CADPS2: variants seen among roughly 807,000 people sequenced by gnomAD.
CADPS2 encodes the protein calcium-dependent secretion activator 2.
Under a neutral mutation model 172.5 loss-of-function variants are expected in CADPS2, and 93 were observed. The ratio of observed to expected loss-of-function variants is 0.54; its 90% CI spans 0.46 to 0.64. CADPS2 has a LOEUF of 0.64. Ranked by LOEUF, CADPS2 falls within the 30% of genes least tolerant of loss-of-function variation. The pLI, the probability that CADPS2 is intolerant of heterozygous loss-of-function variation, is 0.00. For missense variants in CADPS2, 1,420 were observed against 1,565.9 expected (o/e 0.91, Z 1.57); for synonymous variants, 546 against 555.2 (o/e 0.98, Z 0.23).
chr7:122,828,729 G>T (rs1805651929), intron 1 of CADPS2, among the ~76,000 whole-genome samples: 1 of 152,142 alleles, frequency 6.6e-6, no homozygotes, highest in South Asian at 2.1e-4. Context: ...TTAGCAACAA[G>T]TTCTTTGCCT....
chr7:122,865,757 T>C (rs1325790838), intron 1 of CADPS2, among the ~76,000 whole-genome samples: 1 of 152,236 alleles, frequency 6.6e-6, no homozygotes, highest in Non-Finnish European at 1.5e-5. Flanking sequence ...AAATGTAGAC[T>C]TCAACCACAC....
intron 8 of CADPS2, among the ~76,000 whole-genome samples, chr7:122,527,619 T>A (rs10277686): frequency 0.28 from 18,456 of 65,532 alleles, 1,357 homozygotes; most frequent in African/African-American, 0.37. Flanking sequence ...AGAGAGAGAG[T>A]GTGTGTGTGT....
At chr7:122,505,148 G>A (rs2059517409) in intron 9 of CADPS2, among the ~76,000 whole-genome samples, 1 of 152,114 alleles carries the variant, frequency 6.6e-6, no homozygotes, top group South Asian at 2.1e-4. Context: ...GTGTTAAAGA[G>A]TACAGACTTG....
At chr7:122,758,184 A>G (rs1194458206) in intron 1 of CADPS2, among the ~76,000 whole-genome samples, 1 of 152,190 alleles carries the variant, frequency 6.6e-6, no homozygotes, top group African/African-American at 2.4e-5. Flanking sequence ...TGCCCATGAA[A>G]TTATAAGTTC....
intron 7 of CADPS2, among the ~76,000 whole-genome samples, chr7:122,555,870 C>CA (rs1037232886): frequency 6.6e-6 from 1 of 152,052 alleles, no homozygotes; most frequent in African/African-American, 2.4e-5. Flanking sequence ...CCCCTACCCT[C>CA]AAATCCTCAT....
At chr7:122,434,272 C>T (rs1375063262) in intron 17 of CADPS2, among the ~76,000 whole-genome samples, 2 of 151,938 alleles carry the variant, frequency 1.3e-5, no homozygotes, top group African/African-American at 4.8e-5. Context: ...TGTGTTCTTT[C>T]TCCTCTTCGT....
chr7:122,495,329 T>C (rs2058649503), intron 9 of CADPS2, among the ~76,000 whole-genome samples: 1 of 152,182 alleles, frequency 6.6e-6, no homozygotes, highest in Non-Finnish European at 1.5e-5. Context: ...ATAAACACCA[T>C]GATGACTTTT....
chr7:122,772,108 A>T (rs1394952059), intron 1 of CADPS2, among the ~76,000 whole-genome samples: 2 of 152,252 alleles, frequency 1.3e-5, no homozygotes, highest in Non-Finnish European at 2.9e-5. Context: ...AACAAAGTTT[A>T]GAATTCAGTG....
chr7:122,772,856 G>C (rs2093745210), intron 1 of CADPS2, among the ~76,000 whole-genome samples: 1 of 151,950 alleles, frequency 6.6e-6, no homozygotes, highest in South Asian at 2.1e-4. Flanking sequence ...AGAAAATAAA[G>C]GTAAAAATCT....
chr7:122,626,034 G>A (rs1042095882), intron 4 of CADPS2, among the ~76,000 whole-genome samples: 4 of 152,184 alleles, frequency 2.6e-5, no homozygotes, highest in African/African-American at 9.6e-5. Context: ...GGAAAGGCAA[G>A]GAGGCCACCA....
At chr7:122,475,880 T>C (rs2056574065) in intron 12 of CADPS2, among the ~76,000 whole-genome samples, 1 of 152,196 alleles carries the variant, frequency 6.6e-6, no homozygotes, top group Admixed American at 6.5e-5. Context: ...CTTATACCTT[T>C]ACATTTAATA....
At chr7:122,807,847 GA>G (rs1200002035) in intron 1 of CADPS2, among the ~76,000 whole-genome samples, 3 of 151,998 alleles carry the variant, frequency 2.0e-5, no homozygotes, top group African/African-American at 7.3e-5. Context: ...CCAGATTAGG[GA>G]TCACCAAAAA....
At chr7:122,731,967 T>G (rs2091687805) in intron 2 of CADPS2, among the ~76,000 whole-genome samples, 1 of 151,760 alleles carries the variant, frequency 6.6e-6, no homozygotes, top group African/African-American at 2.4e-5. Flanking sequence ...CTTATAATAC[T>G]TAAGACATCT....
At chr7:122,366,994 A>C (rs2041001492) in intron 25 of CADPS2, 1 of 152,022 alleles carries the variant, frequency 6.6e-6, no homozygotes, top group Non-Finnish European at 1.5e-5. Flanking sequence ...TCTTCCTTTC[A>C]TTGTTCCTCC....
At chr7:122,347,563 T>A (rs2037874172) in intron 27 of CADPS2, among the ~76,000 whole-genome samples, 1 of 152,190 alleles carries the variant, frequency 6.6e-6, no homozygotes, top group African/African-American at 2.4e-5. Flanking sequence ...ACTATATAAA[T>A]GTCTTTACTG....
chr7:122,367,144 G>A (rs1002587280), intron 25 of CADPS2, among the ~76,000 whole-genome samples: 1 of 152,224 alleles, frequency 6.6e-6, no homozygotes, highest in East Asian at 1.9e-4. Context: ...CAAGTAAATT[G>A]AGTAAGTTTA....
chr7:122,405,554 T>G (rs1313143152), intron 20 of CADPS2, among the ~76,000 whole-genome samples: 1 of 152,178 alleles, frequency 6.6e-6, no homozygotes, highest in South Asian at 2.1e-4. Flanking sequence ...TCCCAGCTAC[T>G]TGGGAGGCTG....
At chr7:122,671,888 C>T (rs1002273990) in intron 2 of CADPS2, among the ~76,000 whole-genome samples, 4 of 152,072 alleles carry the variant, frequency 2.6e-5, no homozygotes, top group Non-Finnish European at 4.4e-5. Context: ...CATACACTTG[C>T]ATAATTTAAA....
chr7:122,653,691 G>A (rs936727060), intron 3 of CADPS2, among the ~76,000 whole-genome samples: 6 of 152,022 alleles, frequency 3.9e-5, no homozygotes, highest in Admixed American at 3.3e-4. Flanking sequence ...TCACTTCTGT[G>A]TCTCATTTTG....
Sources: allele counts gnomAD v4.1 joint callset (sites outside exome capture counted in the v4.1 genomes callset), GRCh38; gene constraint gnomAD v4.1.1; transcripts MANE v1.5; gene names NCBI Gene and HGNC (gene_info 2026-07-23, HGNC 2026-07-21).